SLC39A11: variants seen among roughly 807,000 people sequenced by gnomAD.
SLC39A11 encodes the protein solute carrier family 39 member 11, also known as zinc transporter ZIP11.
SLC39A11 carries 33 observed loss-of-function variants against 36.1 expected under a neutral mutation model. The observed-to-expected ratio is 0.91, with a 90% CI of 0.69 to 1.22. The LOEUF (loss-of-function observed/expected upper bound fraction) is 1.22. Ranked by LOEUF, SLC39A11 falls within the 50% of genes most tolerant of loss-of-function variation. The pLI, the probability that SLC39A11 is intolerant of heterozygous loss-of-function variation, is 0.00. For missense variants in SLC39A11, 432 were observed against 430.3 expected, an observed-to-expected ratio of 1.00 and a Z score of -0.03; for synonymous variants, 166 against 170.3, an observed-to-expected ratio of 0.97 and a Z score of 0.20.
intron 5 of SLC39A11, among the ~76,000 whole-genome samples, chr17:72,936,885 T>C (rs1298060496): frequency 6.6e-6 from 1 of 152,218 alleles, no homozygotes; most frequent in African/African-American, 2.4e-5. Context: ...GAGAATCTAA[T>C]GCTGCTGTTG....
intron 7 of SLC39A11, among the ~76,000 whole-genome samples, chr17:72,724,039 T>C (rs376053553): frequency 6.6e-6 from 1 of 152,138 alleles, no homozygotes; most frequent in African/African-American, 2.4e-5. Context: ...GACGTGCAAC[T>C]ATTGGGCGAT....
chr17:72,749,906 C>G (rs1352304089), intron 6 of SLC39A11, among the ~76,000 whole-genome samples: 1 of 152,112 alleles, frequency 6.6e-6, no homozygotes, highest in East Asian at 1.9e-4. Context: ...GAAGTCGTAC[C>G]AGGAATTCAG....
At chr17:73,069,250 CT>C (rs1180637688) in intron 3 of SLC39A11, among the ~76,000 whole-genome samples, 3 of 152,170 alleles carry the variant, frequency 2.0e-5, no homozygotes, top group Admixed American at 2.0e-4. Flanking sequence ...TTTCCAGCAC[CT>C]TTTGTTCATT....
intron 4 of SLC39A11, among the ~76,000 whole-genome samples, chr17:73,003,216 A>G (rs2089918904): frequency 6.6e-6 from 1 of 152,250 alleles, no homozygotes. Context: ...TGATATTTCC[A>G]TTTTTCAAAA....
intron 3 of SLC39A11, among the ~76,000 whole-genome samples, chr17:73,032,207 C>CT (rs72229478): frequency 0.022 from 3,100 of 142,786 alleles, 50 homozygotes; most frequent in Middle Eastern, 0.043. Flanking sequence ...AATTCCTATT[C>CT]TTTTTTTTTT....
intron 6 of SLC39A11, among the ~76,000 whole-genome samples, chr17:72,827,709 A>G (rs1378080906): frequency 6.6e-6 from 1 of 152,182 alleles, no homozygotes; most frequent in Non-Finnish European, 1.5e-5. Context: ...TTGGATACAG[A>G]TCCCTCAACC....
intron 6 of SLC39A11, among the ~76,000 whole-genome samples, chr17:72,754,790 G>A (rs986651451): frequency 3.9e-5 from 6 of 152,172 alleles, no homozygotes; most frequent in Admixed American, 2.0e-4. Flanking sequence ...GTGTGTGCAG[G>A]TGTGGTTTCA....
At chr17:72,733,613 T>C (rs1409524113) in intron 7 of SLC39A11, among the ~76,000 whole-genome samples, 1 of 152,186 alleles carries the variant, frequency 6.6e-6, no homozygotes, top group Non-Finnish European at 1.5e-5. Flanking sequence ...CCTGGCCTCA[T>C]GCGGCCTTAT....
chr17:73,014,589 CA>C (rs141250084), intron 4 of SLC39A11, among the ~76,000 whole-genome samples: 15,639 of 152,210 alleles, frequency 0.1, 1,237 homozygotes, highest in African/African-American at 0.22. Flanking sequence ...CCTGGAAGTT[CA>C]AGGCTGCAAT....
At chr17:72,709,894 A>G (rs2073046619) in intron 7 of SLC39A11, among the ~76,000 whole-genome samples, 1 of 152,252 alleles carries the variant, frequency 6.6e-6, no homozygotes, top group African/African-American at 2.4e-5. Context: ...TTTTCATTAA[A>G]TTCAACTAAA....
chr17:72,896,721 G>T (rs548305956), intron 5 of SLC39A11, among the ~76,000 whole-genome samples: 2 of 152,110 alleles, frequency 1.3e-5, no homozygotes, highest in Admixed American at 1.3e-4. Context: ...CTGTACCAGG[G>T]AGTGAGGGAA....
At chr17:73,027,230 C>G (rs1183980631) in intron 4 of SLC39A11, among the ~76,000 whole-genome samples, 1 of 152,198 alleles carries the variant, frequency 6.6e-6, no homozygotes, top group Non-Finnish European at 1.5e-5. Flanking sequence ...TGTCTCCAAA[C>G]AGCTGTTCAG....
chr17:73,000,210 G>A (rs892225556), intron 4 of SLC39A11, among the ~76,000 whole-genome samples: 2 of 151,972 alleles, frequency 1.3e-5, no homozygotes, highest in Non-Finnish European at 2.9e-5. Flanking sequence ...TCAGCTGAGG[G>A]ATCCATTTCT....
At chr17:72,997,146 G>A (rs370550058) in intron 4 of SLC39A11, among the ~76,000 whole-genome samples, 13 of 152,060 alleles carry the variant, frequency 8.5e-5, no homozygotes, top group Admixed American at 1.3e-4. Context: ...GTTGTATACC[G>A]CTGAGATTTT....
intron 5 of SLC39A11, among the ~76,000 whole-genome samples, chr17:72,854,399 G>A (rs1161750173): frequency 6.6e-6 from 1 of 152,108 alleles, no homozygotes; most frequent in African/African-American, 2.4e-5. Context: ...GTGAGAAGGA[G>A]AGTCTGGTGA....
chr17:72,662,340 G>C (rs1412731268), intron 7 of SLC39A11, among the ~76,000 whole-genome samples: 1 of 146,072 alleles, frequency 6.8e-6, no homozygotes, highest in East Asian at 2.0e-4. Context: ...AAGAGAGAGG[G>C]AGAGAGAGAA....
intron 5 of SLC39A11, among the ~76,000 whole-genome samples, chr17:72,928,704 C>T (rs1274269603): frequency 6.6e-6 from 1 of 152,168 alleles, no homozygotes; most frequent in Non-Finnish European, 1.5e-5. Context: ...CCTGAACCTC[C>T]CTGGCCGTAC....
chr17:73,022,336 A>G (rs1425088578), intron 4 of SLC39A11, among the ~76,000 whole-genome samples: 3 of 152,178 alleles, frequency 2.0e-5, no homozygotes, highest in Admixed American at 6.5e-5. Flanking sequence ...GGCTCATGCC[A>G]GTAATCCCAG....
chr17:73,039,897 T>TCCCAAGTTGACTGTGCTACCCTCTACC (rs2059053445), intron 3 of SLC39A11, among the ~76,000 whole-genome samples: 3 of 152,156 alleles, frequency 2.0e-5, no homozygotes, highest in African/African-American at 4.8e-5. Flanking sequence ...AGCTGGTCTG[T>TCCCAAGTTGACTGTGCTACCCTCTACC]CCCAAGTTGA....
Sources: gnomAD v4.1 joint callset for allele counts (sites outside exome capture counted in the v4.1 genomes callset) on GRCh38, gnomAD v4.1.1 for gene constraint, MANE v1.5 for transcripts, NCBI Gene and HGNC (gene_info 2026-07-23, HGNC 2026-07-21) for gene names.